The following RBFOX1 variants were observed in gnomAD, a reference collection of about 807,000 sequenced individuals.
RBFOX1 encodes the protein RNA binding fox-1 homolog 1, also known as RNA binding protein fox-1 homolog 1.
Under a neutral mutation model 57.7 loss-of-function variants are expected in RBFOX1, and 8 were observed. The ratio of observed to expected loss-of-function variants is 0.14; its 90% CI spans 0.08 to 0.25. The LOEUF (loss-of-function observed/expected upper bound fraction) is 0.25, where lower values mean the gene tolerates loss of function less well. Among genes scored for constraint, RBFOX1 ranks in the 10% least tolerant of loss-of-function variants. RBFOX1 has a pLI of 1.00. For synonymous variants in RBFOX1, 326 were observed against 222.4 expected, an observed-to-expected ratio of 1.47 and a Z score of -4.15; for missense variants, 611 against 548.5, an observed-to-expected ratio of 1.11 and a Z score of -1.14.
chr16:6,475,056 G>A (rs1389056627), intron 2 of RBFOX1, among the ~76,000 whole-genome samples: 1 of 152,186 alleles, frequency 6.6e-6, no homozygotes, highest in African/African-American at 2.4e-5. Context: ...TCCCAATTGT[G>A]TGCTTATAAT....
intron 3 of RBFOX1, among the ~76,000 whole-genome samples, chr16:5,606,173 C>A (rs541245887): frequency 1.3e-5 from 2 of 152,150 alleles, no homozygotes; most frequent in South Asian, 4.1e-4. Flanking sequence ...AGAGCAAGGT[C>A]CTGTGATTTC....
chr16:7,646,162 GA>G (rs1292468887), intron 11 of RBFOX1, among the ~76,000 whole-genome samples: 1 of 152,182 alleles, frequency 6.6e-6, no homozygotes, highest in Non-Finnish European at 1.5e-5. Context: ...TGAAAAAGGA[GA>G]AAACATATTT....
intron 14 of RBFOX1, among the ~76,000 whole-genome samples, chr16:7,681,349 A>C (rs1004291180): frequency 2.0e-5 from 3 of 152,140 alleles, no homozygotes; most frequent in Non-Finnish European, 4.4e-5. Context: ...TCATAAGCTA[A>C]ATACAGAAAA....
rs192265208 is a variant in RBFOX1 at position 5,574,041 on chromosome 16, G to A, written c.259-24861G>A. The stretch of plus-strand genomic sequence containing the variant: ...TGTTTAGCTTCATGGATTTGCCCCC[G>A]ATGCCATTCTTCTGATGAGCTCTTG... On this transcript the variant is annotated intron_variant, in intron 2 of 2. Coordinates refer to the RBFOX1 transcript ENST00000585867. 3.3e-5 allele frequency among the ~76,000 whole-genome samples: 5 copies of A among 152,208 alleles called. 1 individual carries two copies. The highest frequency in any genetic ancestry group is 2.6e-4 in the Admixed American group (4 of 15,286).
chr16:6,401,996 G>C (rs921784392), intron 2 of RBFOX1, among the ~76,000 whole-genome samples: 4 of 151,666 alleles, frequency 2.6e-5, no homozygotes, highest in African/African-American at 7.3e-5. Context: ...CCAGCTAACT[G>C]TCGAAACGTT....
At chr16:6,816,621 T>A (rs530281007) in intron 3 of RBFOX1, among the ~76,000 whole-genome samples, 54 of 151,026 alleles carry the variant, frequency 3.6e-4, no homozygotes, top group Non-Finnish European at 7.2e-4. Flanking sequence ...GCACCTGTAG[T>A]CCCAGCTGCT....
chr16:5,600,157 C>T (rs2047318264), downstream of RBFOX1: 1 of 148,188 alleles, frequency 6.7e-6, no homozygotes, highest in Non-Finnish European at 1.5e-5. Context: ...AAAAATTAGC[C>T]AGGCATGTTG....
chr16:6,979,434 A>T (rs964289954), intron 3 of RBFOX1, among the ~76,000 whole-genome samples: 9 of 152,196 alleles, frequency 5.9e-5, no homozygotes, highest in African/African-American at 2.2e-4. Flanking sequence ...AGTCCTTTGA[A>T]CAGAAGAAAT....
intron 2 of RBFOX1, among the ~76,000 whole-genome samples, chr16:5,494,077 G>A (rs1233602054): frequency 6.6e-6 from 1 of 152,148 alleles, no homozygotes; most frequent in African/African-American, 2.4e-5. Flanking sequence ...TTCAATGACG[G>A]GGTGTTCCTT....
chr16:5,324,476 A>G (rs946855203), intron 1 of RBFOX1, among the ~76,000 whole-genome samples: 17 of 152,088 alleles, frequency 1.1e-4, no homozygotes, highest in Admixed American at 9.8e-4. Context: ...ATAAAATAAA[A>G]TACACAATCC....
chr16:5,371,839 TCTC>T lies in RBFOX1; in HGVS notation c.220-95374_220-95372del, dbSNP rs1371123547. On this transcript the variant is annotated intron_variant, in intron 1 of 2. Coordinates refer to the RBFOX1 transcript ENST00000585867. ...CTCCCACCTGAGGGAGAAATAAACT[TCTC>T]CTGTGTTTAATCCATGGTTACTTGA... 6.6e-5 allele frequency among the ~76,000 whole-genome samples: 10 copies of T among 152,230 alleles called. No homozygotes were observed. In the East Asian group the frequency reaches 1.9e-3, roughly 29 times the overall value.
chr16:5,983,550 G>C (rs929306787), intron 4 of RBFOX1, among the ~76,000 whole-genome samples: 6 of 152,184 alleles, frequency 3.9e-5, no homozygotes, highest in African/African-American at 1.4e-4. Context: ...TCACCACTCT[G>C]TGGTGCAGGA....
At chr16:6,022,273 G>A (rs2095096740) in intron 1 of RBFOX1, among the ~76,000 whole-genome samples, 1 of 150,504 alleles carries the variant, frequency 6.6e-6, no homozygotes, top group Non-Finnish European at 1.5e-5. Context: ...TTTTTAATTA[G>A]AACATCATTT....
chr16:7,171,304 G>A (rs1055326201), intron 4 of RBFOX1, among the ~76,000 whole-genome samples: 3 of 152,286 alleles, frequency 2.0e-5, no homozygotes, highest in South Asian at 2.1e-4. Flanking sequence ...GGACTGCAGT[G>A]TCATTGTACA....
intron 4 of RBFOX1, among the ~76,000 whole-genome samples, chr16:5,908,162 A>G (rs1297876218): frequency 7.5e-6 from 1 of 133,568 alleles, no homozygotes; most frequent in Non-Finnish European, 1.5e-5. Context: ...ATACACATAT[A>G]TATACACATA....
At chr16:7,285,551 C>G (rs1369962143) in intron 4 of RBFOX1, among the ~76,000 whole-genome samples, 1 of 152,024 alleles carries the variant, frequency 6.6e-6, no homozygotes, top group Non-Finnish European at 1.5e-5. Context: ...CCCGCCCCCA[C>G]TCCCAATTCC....
intron 4 of RBFOX1, among the ~76,000 whole-genome samples, chr16:7,148,542 C>G (rs2075492426): frequency 6.6e-6 from 1 of 152,218 alleles, no homozygotes; most frequent in Non-Finnish European, 1.5e-5. Context: ...GTGCCGAGTT[C>G]CCTGAACAGA....
At position 5,850,173 on chromosome 16, in the gene RBFOX1, G is replaced by A. The variant is rs1162376193; in HGVS notation, c.319-17130G>A. On this transcript the variant is annotated intron_variant, in intron 3 of 19. Transcript: ENST00000641259. ...ACTTCCAATTAACTGGTTAATTGAT[G>A]TTATCCGTTTTATCCAGAGGGATAA... Among the ~76,000 whole-genome samples the A allele has an allele frequency of 2.0e-5, 3 of 152,280 alleles. No individual in the cohort carries two copies. The South Asian group carries it at 6.2e-4, about 32-fold the overall frequency.
intron 4 of RBFOX1, among the ~76,000 whole-genome samples, chr16:5,977,714 A>C (rs763670410): frequency 2.0e-5 from 3 of 152,066 alleles, no homozygotes; most frequent in African/African-American, 7.2e-5. Flanking sequence ...GAAAAGTTAG[A>C]AGAGTGCTCC....
Sources: allele counts gnomAD v4.1 joint callset (sites outside exome capture counted in the v4.1 genomes callset), GRCh38; gene constraint gnomAD v4.1.1; transcripts MANE v1.5; gene names NCBI Gene and HGNC (gene_info 2026-07-23, HGNC 2026-07-21).